The following MS4A13 variants were observed in gnomAD, a reference collection of about 807,000 sequenced individuals.
The protein encoded by MS4A13 is membrane-spanning 4-domains subfamily A member 13.
In MS4A13, 21 loss-of-function variants were observed where a neutral mutation model predicts 18.4. The ratio of observed to expected loss-of-function variants is 1.14; its 90% CI spans 0.81 to 1.64. MS4A13 has a LOEUF of 1.64. Among genes scored for constraint, MS4A13 ranks in the 40% most tolerant of loss-of-function variants. MS4A13 has a pLI of 0.00. For synonymous variants in MS4A13, 62 were observed against 57.2 expected, an observed-to-expected ratio of 1.08 and a Z score of -0.38; for missense variants, 173 against 176.8, an observed-to-expected ratio of 0.98 and a Z score of 0.12.
intron 3 of MS4A13, among the ~76,000 whole-genome samples, chr11:60,521,017 A>T (rs1449949217): frequency 2.0e-5 from 3 of 152,192 alleles, no homozygotes; most frequent in African/African-American, 7.2e-5. Context: ...CCACATGGAA[A>T]CTGTCAAGGC....
At chr11:60,538,025 G>A (rs1212758641) in intron 6 of MS4A13, among the ~76,000 whole-genome samples, 1 of 125,008 alleles carries the variant, frequency 8.0e-6, no homozygotes, top group East Asian at 2.5e-4. Context: ...TGGGGACTGT[G>A]GTGGGGTCGG....
In MS4A13 at chr11:60,525,278, A is replaced by G. The variant is rs2086705961; in HGVS notation, c.258A>G (p.Ile86Met). The G allele has an allele frequency of 6.3e-7, 1 of 1,589,628 alleles. No individual in the cohort carries two copies. The highest frequency in any genetic ancestry group is 8.6e-7 in the Non-Finnish European group (1 of 1,160,140). ...TTITAVTLTI[I>M]ELSHFNSVSY... ...TTACTGCAGTAACTCTAACAATAAT[A>G]GAGTTGTCTCATTTTAATTCTGTGT... Residue 86 changes from isoleucine (I) to methionine (M), a missense_variant, in exon 5 of 7, where the codon ATA (isoleucine) becomes ATG (methionine). Transcript: ENST00000378186.
chr11:60,523,835 A>G (rs1325028420), intron 3 of MS4A13, 62 bp from the exon 4 acceptor site: 7 of 944,250 alleles, frequency 7.4e-6, no homozygotes, highest in African/African-American at 1.6e-5. Flanking sequence ...GAGTTATTAA[A>G]AGTACATTCT....
intron 3 of MS4A13, 21 bp from the exon 4 acceptor site, chr11:60,523,876 T>A: frequency 7.5e-7 from 1 of 1,338,496 alleles, no homozygotes; most frequent in South Asian, 1.2e-5. Flanking sequence ...TGAGTATTTA[T>A]AAATATGTTT....
downstream of MS4A13, chr11:60,542,836 A>C (rs1444035397): frequency 3.7e-6 from 1 of 269,716 alleles, no homozygotes; most frequent in Non-Finnish European, 7.0e-6. Flanking sequence ...AACTCTCCAT[A>C]ATAAAGCTTT....
At chr11:60,538,653 C>G (rs1263622294) in intron 6 of MS4A13, among the ~76,000 whole-genome samples, 4 of 151,230 alleles carry the variant, frequency 2.6e-5, no homozygotes, top group African/African-American at 7.3e-5. Context: ...AAGTTGCCAG[C>G]CTGGTGTCCC....
chr11:60,524,033 C>A, intron 4 of MS4A13, 80 bp downstream of exon 4: 1 of 847,460 alleles, frequency 1.2e-6, no homozygotes, highest in Non-Finnish European at 1.9e-6. Flanking sequence ...AATATAACGT[C>A]TAAACAATGA....
At chr11:60,517,786 T>C (rs1431111335) in intron 2 of MS4A13, among the ~76,000 whole-genome samples, 1 of 152,182 alleles carries the variant, frequency 6.6e-6, no homozygotes, top group East Asian at 1.9e-4. Flanking sequence ...GTAGGGAGAC[T>C]ATCCAGTGAT....
In MS4A13 at chr11:60,523,950, T is replaced by C. The variant is rs754240905; in HGVS notation, c.183T>C (p.Ser61=). Reference sequence around the variant, plus strand: ...GAGTAACAAAGTATCCGACTCGATCTGGAGTAAGTTGAAATGTTTGAGGTA... The same window carrying C: ...GAGTAACAAAGTATCCGACTCGATCCGGAGTAAGTTGAAATGTTTGAGGTA... The part of the protein sequence containing the change: ...LIRVTKYPTR[S]GIISTLIINI... Residue 61 remains serine (S), a synonymous_variant, in exon 4 of 7, where the codon TCT becomes TCC. Transcript: ENST00000378186. 1.7e-5 allele frequency: 26 copies of C among 1,520,742 alleles called. 1 individual carries two copies. The Admixed American group carries it at 2.7e-4, about 16-fold the overall frequency. The allele number at this position is 1,520,742 out of a possible 1,614,324, so 94.2% of individuals were successfully genotyped here.
rs2086635406 is a variant in MS4A13, at chr11:60,516,099, T to C, written c.-13+15T>C. 1 of 152,210 alleles carries C rather than the reference T, an allele frequency of 6.6e-6. No individual in the cohort carries two copies. The highest frequency in any genetic ancestry group is 1.5e-5 in the Non-Finnish European group (1 of 68,020). 9.4% of individuals were successfully genotyped at this position (152,210 alleles called of 1,614,324 possible). On this transcript the variant is annotated intron_variant, in intron 2 of 6. Coordinates refer to ENST00000378186, the MANE Select transcript of MS4A13 (RefSeq NM_001012417.3). ...TCGTTTTAGGGGTAAGATTTCACTT[T>C]GACTAACTAAATTTAAGATCATGAA...
downstream of MS4A13, among the ~76,000 whole-genome samples, chr11:60,543,109 G>A (rs1361185175): frequency 6.6e-6 from 1 of 152,066 alleles, no homozygotes; most frequent in South Asian, 2.1e-4. Flanking sequence ...GAACATATCT[G>A]CTATCTTTCT....
chr11:60,528,683 C>G (rs1053277311), intron 5 of MS4A13, among the ~76,000 whole-genome samples: 2 of 152,146 alleles, frequency 1.3e-5, no homozygotes, highest in Non-Finnish European at 2.9e-5. Context: ...TCATTCTTGT[C>G]TTTCCACAGC....
chr11:60,542,262 GAAA>G (rs1337142139), intron 6 of MS4A13, among the ~76,000 whole-genome samples: 2,535 of 148,616 alleles, frequency 0.017, 59 homozygotes, highest in African/African-American at 0.052. Context: ...GAGAAAGAAA[GAAA>G]GAAAAAGGAA....
At chr11:60,542,351 G>A (rs1046585537) in intron 6 of MS4A13, among the ~76,000 whole-genome samples, 168 bp from the exon 7 acceptor site, 1 of 151,694 alleles carries the variant, frequency 6.6e-6, no homozygotes, top group African/African-American at 2.4e-5. Context: ...GAGAAAGAAA[G>A]GAAGAAAGAA....
intron 6 of MS4A13, 60 bp downstream of exon 6, chr11:60,529,520 T>A: frequency 1.1e-6 from 1 of 910,192 alleles, no homozygotes; most frequent in Non-Finnish European, 1.7e-6. Context: ...AACTACACTC[T>A]ATGAGAAGAT....
chr11:60,520,707 G>A lies in MS4A13; in HGVS notation c.129+2495G>A, dbSNP rs372316366. 9.3e-4 allele frequency among the ~76,000 whole-genome samples: 142 copies of A among 152,304 alleles called. 3 individuals are homozygous for A. In the South Asian group the frequency reaches 0.023, roughly 25 times the overall value. On this transcript the variant is annotated intron_variant, in intron 3 of 6. Transcript: ENST00000378186. ...GATCTGGCTGTTTTCACAGGCTGGC[G>A]TTGTCTGCAGCTTTTCCAGGCACAC...
chr11:60,535,453 A>G (rs1241838945), intron 6 of MS4A13, among the ~76,000 whole-genome samples: 1 of 136,796 alleles, frequency 7.3e-6, no homozygotes, highest in Non-Finnish European at 1.5e-5. Flanking sequence ...CGACACATAC[A>G]CTCTGCCAAG....
rs541692672 is a variant in MS4A13, at chr11:60,531,759, G to A, written c.402+2299G>A. The stretch of plus-strand genomic sequence containing the variant: ...TGTCTTCTCCCTGTGTTTTCACATG[G>A]TCTTCTCTTTATTTGTCTGTGTCCT... On this transcript the variant is annotated intron_variant, in intron 6 of 6. Transcript: ENST00000378186. Among the ~76,000 whole-genome samples the A allele has an allele frequency of 3.6e-4, 55 of 152,244 alleles. 1 individual carries two copies. Among genetic ancestry groups the A allele is most frequent in the Non-Finnish European group, 6.0e-4 (41 of 68,010 alleles).
At position 60,522,220 on chromosome 11, in the gene MS4A13, A is replaced by ATG. The variant is rs770066874; in HGVS notation, c.130-1676_130-1675insGT. Among the ~76,000 whole-genome samples, 164 of 26,266 alleles carry ATG rather than the reference A, an allele frequency of 6.2e-3. 2 individuals carry two copies. Among genetic ancestry groups the ATG allele is most frequent in the Middle Eastern group, 0.016 (1 of 62 alleles). 17.2% of individuals were successfully genotyped at this position (26,266 alleles called of 152,430 possible). A position where few individuals can be genotyped will look rare whatever the true frequency, so the allele number is the denominator to read the frequency against. ...GACAGATAGATAGATAGATAGATAGATAGATAGATAGATAGATAGATGTAT... is the reference window on the plus strand; with the variant it reads ...GACAGATAGATAGATAGATAGATAGATGTAGATAGATAGATAGATAGATGTAT... On this transcript the variant is annotated intron_variant, in intron 3 of 6. Transcript: ENST00000378186.
Sources: gnomAD v4.1 joint callset for allele counts (sites outside exome capture counted in the v4.1 genomes callset) on GRCh38, gnomAD v4.1.1 for gene constraint, MANE v1.5 for transcripts, NCBI Gene and HGNC (gene_info 2026-07-23, HGNC 2026-07-21) for gene names.